The following ADCY5 variants were observed in gnomAD, a reference collection of about 807,000 sequenced individuals.
ADCY5 encodes adenylate cyclase type 5.
Under a neutral mutation model 119.7 loss-of-function variants are expected in ADCY5, and 30 were observed. The ratio of observed to expected loss-of-function variants is 0.25; its 90% CI spans 0.19 to 0.34. ADCY5 has a LOEUF of 0.34. Among genes scored for constraint, ADCY5 ranks in the 10% least tolerant of loss-of-function variants. ADCY5 has a pLI of 1.00. For synonymous variants in ADCY5, 753 were observed against 762.2 expected (o/e 0.99, Z 0.20); for missense variants, 1,324 against 1,775.2 (o/e 0.75, Z 4.57).
intron 3 of ADCY5, among the ~76,000 whole-genome samples, chr3:123,343,254 G>A (rs1031137345): frequency 2.6e-5 from 4 of 152,140 alleles, no homozygotes; most frequent in Non-Finnish European, 5.9e-5. Context: ...ATGTCACACT[G>A]CCCGCCTGTA....
intron 1 of ADCY5, among the ~76,000 whole-genome samples, chr3:123,402,621 C>T (rs910259161): frequency 2.0e-5 from 3 of 151,032 alleles, no homozygotes; most frequent in Non-Finnish European, 2.9e-5. Context: ...GAGGCTGAGA[C>T]GGGTGGATCA....
At chr3:123,332,501 C>T (rs1941810823) in intron 4 of ADCY5, 63 bp downstream of exon 4, 1 of 1,286,244 alleles carries the variant, frequency 7.8e-7, no homozygotes. Context: ...GGTCCTCGAC[C>T]ACAGCAGCCT....
chr3:123,346,097 G>A (rs774594735), intron 3 of ADCY5, among the ~76,000 whole-genome samples: 5 of 152,356 alleles, frequency 3.3e-5, no homozygotes, highest in African/African-American at 9.6e-5. Context: ...ATGAACGCAC[G>A]TAGGGCGGTG....
In ADCY5 at chr3:123,328,817, G is replaced by C. The variant is rs1257840926; in HGVS notation, c.1647-15C>G. The C allele has an allele frequency of 6.2e-7, 1 of 1,613,050 alleles. No individual in the cohort carries two copies. The highest frequency in any genetic ancestry group is 1.3e-5 in the African/African-American group (1 of 74,942). On this transcript the variant is annotated splice_polypyrimidine_tract_variant and intron_variant, in intron 5 of 20. Transcript: ENST00000462833. ...CCCGGACCAACCTGGGGATGGAGCA[G>C]GAGTAAAGCTGGGAGAAGGCTGGAG...
chr3:123,373,925 AT>A (rs1381903348), intron 1 of ADCY5, among the ~76,000 whole-genome samples: 1 of 152,112 alleles, frequency 6.6e-6, no homozygotes, highest in East Asian at 1.9e-4. Flanking sequence ...GCTTCCGCAT[AT>A]TCGATGGAGA....
rs1323955738 is a variant in ADCY5, at chr3:123,284,582, T to G, written c.*26A>C. The G allele has an allele frequency of 6.2e-7, 1 of 1,613,522 alleles. No individual in the cohort carries two copies. The highest frequency in any genetic ancestry group is 1.7e-5 in the Admixed American group (1 of 60,022). Reference sequence around the variant, plus strand: ...GCTTCCATGCCTCTGGAGGCCAGGCTGCCTGGCACCATTGGCCAACAGCTG... The same window carrying G: ...GCTTCCATGCCTCTGGAGGCCAGGCGGCCTGGCACCATTGGCCAACAGCTG... On this transcript the variant is annotated 3_prime_UTR_variant, in exon 21 of 21. Transcript: ENST00000462833.
At chr3:123,327,825 GA>G in intron 6 of ADCY5, 66 bp from the exon 7 acceptor site, 1 of 1,572,686 alleles carries the variant, frequency 6.4e-7, no homozygotes, top group Non-Finnish European at 8.7e-7. Flanking sequence ...CAGCCCCCGT[GA>G]AAAACCAAAC....
chr3:123,368,912 GC>G (rs1943543942), intron 1 of ADCY5, among the ~76,000 whole-genome samples: 1 of 152,132 alleles, frequency 6.6e-6, no homozygotes, highest in East Asian at 1.9e-4. Flanking sequence ...TACCTTTAAG[GC>G]CTTGAATATT....
chr3:123,297,186 G>T, intron 16 of ADCY5, 167 bp downstream of exon 16: 1 of 1,337,162 alleles, frequency 7.5e-7, no homozygotes, highest in Non-Finnish European at 1.1e-6. Context: ...TCTGCCCCCC[G>T]AGGACGCCTT....
intron 3 of ADCY5, among the ~76,000 whole-genome samples, chr3:123,345,769 G>GACAGACAGACACACAGACACACACACAC (rs57198270): frequency 4.4e-5 from 5 of 113,836 alleles, no homozygotes; most frequent in African/African-American, 1.6e-4. Flanking sequence ...CAGACAGACA[G>GACAGACAGACACACAGACACACACACAC]ACACACACAC....
At chr3:123,325,676 C>T (rs1426913837) in intron 7 of ADCY5, among the ~76,000 whole-genome samples, 1 of 152,212 alleles carries the variant, frequency 6.6e-6, no homozygotes, top group African/African-American at 2.4e-5. Context: ...CCCTGGCTGG[C>T]TCAGGTGGGA....
At chr3:123,360,897 G>T (rs763285435) in intron 1 of ADCY5, among the ~76,000 whole-genome samples, 1 of 152,150 alleles carries the variant, frequency 6.6e-6, no homozygotes, top group Non-Finnish European at 1.5e-5. Flanking sequence ...AAGTTAGGCA[G>T]CATCATCCCC....
chr3:123,345,919 G>C (rs568884898), intron 3 of ADCY5, among the ~76,000 whole-genome samples: 1 of 152,294 alleles, frequency 6.6e-6, no homozygotes, highest in African/African-American at 2.4e-5. Flanking sequence ...ACATCTGTCT[G>C]GTAGTCAGGC....
intron 3 of ADCY5, among the ~76,000 whole-genome samples, chr3:123,337,359 C>G (rs1163304160): frequency 2.0e-5 from 3 of 152,232 alleles, no homozygotes; most frequent in Admixed American, 6.5e-5. Flanking sequence ...GCACAACACC[C>G]AGACATGAAA....
intron 1 of ADCY5, 127 bp downstream of exon 1, chr3:123,447,285 T>C (rs1945835804): frequency 1.8e-6 from 2 of 1,120,570 alleles, no homozygotes; most frequent in Non-Finnish European, 2.4e-6. Context: ...ATAGCCTACA[T>C]GGCCGAGCCC....
rs367916134 is a variant in ADCY5 at position 123,299,735 on chromosome 3, C to T, written c.2900+385G>A. 9.6e-3 allele frequency among the ~76,000 whole-genome samples: 1,462 copies of T among 152,348 alleles called. 12 individuals are homozygous for T. The highest frequency in any genetic ancestry group is 0.015 in the Non-Finnish European group (1,028 of 68,040). Reference sequence around the variant, plus strand: ...ACAGCGGATATCCAGGCACCTGCCTCGAGGTGGGACACAGACCCTGTGAAC... The same window carrying T: ...ACAGCGGATATCCAGGCACCTGCCTTGAGGTGGGACACAGACCCTGTGAAC... On this transcript the variant is annotated intron_variant, in intron 15 of 20. Coordinates refer to ENST00000462833, the MANE Select transcript of ADCY5 (RefSeq NM_183357.3).
intron 1 of ADCY5, among the ~76,000 whole-genome samples, chr3:123,410,402 G>A (rs970162507): frequency 6.6e-6 from 1 of 151,488 alleles, no homozygotes; most frequent in African/African-American, 2.4e-5. Context: ...TACCTCCCAG[G>A]CATAAGTAGG....
At chr3:123,327,857 C>T (rs995731115) in intron 6 of ADCY5, 98 bp from the exon 7 acceptor site, 18 of 1,392,324 alleles carry the variant, frequency 1.3e-5, no homozygotes, top group Non-Finnish European at 1.7e-5. Context: ...GGGTTCACCA[C>T]AATTCAAACC....
intron 3 of ADCY5, among the ~76,000 whole-genome samples, chr3:123,344,098 C>A (rs559507325): frequency 6.6e-6 from 1 of 152,310 alleles, no homozygotes; most frequent in South Asian, 2.1e-4. Context: ...ACAGTGGTGG[C>A]CCCTGCCTGA....
Sources: gnomAD v4.1 joint callset for allele counts (sites outside exome capture counted in the v4.1 genomes callset) on GRCh38, gnomAD v4.1.1 for gene constraint, MANE v1.5 for transcripts, NCBI Gene and HGNC (gene_info 2026-07-23, HGNC 2026-07-21) for gene names.